The following PCM1 variants were observed in gnomAD, a reference collection of about 807,000 sequenced individuals.
The protein encoded by PCM1 is pericentriolar material 1 protein.
A neutral mutation model predicts 241.9 loss-of-function variants in PCM1; 157 were observed. The ratio of observed to expected loss-of-function variants is 0.65; its 90% CI spans 0.57 to 0.74. The LOEUF (loss-of-function observed/expected upper bound fraction) is 0.74, where lower values mean the gene tolerates loss of function less well. Ranked by LOEUF, PCM1 falls within the 30% of genes least tolerant of loss-of-function variation. The pLI is 0.00. For missense variants in PCM1, 3,478 were observed against 2,360.1 expected (o/e 1.47, Z -9.81); for synonymous variants, 1,085 against 784.9 (o/e 1.38, Z -6.39).
intron 8 of PCM1, among the ~76,000 whole-genome samples, chr8:17,951,044 G>C (rs567354209): frequency 6.6e-6 from 1 of 152,300 alleles, no homozygotes; most frequent in Non-Finnish European, 1.5e-5. Context: ...TCCTCTAAAA[G>C]ACTTAATGGT....
chr8:18,022,270 C>T (rs1003470972), intron 36 of PCM1, among the ~76,000 whole-genome samples: 2 of 152,188 alleles, frequency 1.3e-5, no homozygotes, highest in African/African-American at 4.8e-5. Context: ...CACAATGAAA[C>T]GACTACATTT....
At chr8:18,017,698 A>T (rs2093355587) in intron 36 of PCM1, among the ~76,000 whole-genome samples, 1 of 152,214 alleles carries the variant, frequency 6.6e-6, no homozygotes, top group Non-Finnish European at 1.5e-5. Flanking sequence ...TATTAAAAAT[A>T]CAAAATTAGC....
intron 14 of PCM1, 73 bp downstream of exon 14, chr8:17,960,238 G>C (rs2071043638): frequency 8.4e-6 from 13 of 1,556,236 alleles, no homozygotes; most frequent in Non-Finnish European, 9.6e-6. Context: ...TGCTCAGCTA[G>C]GTACTGTGTT....
intron 30 of PCM1, among the ~76,000 whole-genome samples, chr8:18,008,950 T>C (rs531889521): frequency 5.1e-4 from 78 of 152,280 alleles, no homozygotes; most frequent in African/African-American, 1.8e-3. Flanking sequence ...GAAATCCTAT[T>C]TTCTTTTACA....
intron 29 of PCM1, among the ~76,000 whole-genome samples, chr8:17,997,645 T>C (rs992070925): frequency 2.0e-5 from 3 of 152,156 alleles, no homozygotes; most frequent in Non-Finnish European, 4.4e-5. Context: ...CTTTAGTATG[T>C]CAGTTGCGTT....
At chr8:18,011,518 T>G in intron 33 of PCM1, 149 bp from the exon 34 acceptor site, 1 of 1,053,322 alleles carries the variant, frequency 9.5e-7, no homozygotes, top group South Asian at 1.8e-5. Flanking sequence ...TATCTAGACT[T>G]TCTGCACTGT....
chr8:18,026,839 T>C (rs1312575408), intron 38 of PCM1, among the ~76,000 whole-genome samples: 3 of 152,170 alleles, frequency 2.0e-5, no homozygotes, highest in Non-Finnish European at 4.4e-5. Context: ...TGGTTCTCTG[T>C]TCAGTTTTAC....
chr8:17,963,135 G>A lies in PCM1; in HGVS notation c.2498G>A (p.Arg833Lys), dbSNP rs765573508. Residue 833 changes from arginine to lysine, a missense_variant, in exon 17 of 39, where the codon AGG (arginine) becomes AAG (lysine). Arg to Lys is a conservative substitution (Grantham distance 26). Coordinates refer to ENST00000325083, the MANE Select transcript of PCM1 (RefSeq NM_006197.4). ...GAAATGAGAAGACATGAAATGTTGA[G>A]GGAGGAGCTGCGACAGAGAAGAAAG... is the stretch of plus-strand genomic sequence containing the variant. ...WSEMRRHEML[R>K]EELRQRRKQL... The A allele has an allele frequency of 2.5e-6, 4 of 1,612,560 alleles. No homozygotes were observed. The highest frequency in any genetic ancestry group is 1.7e-6 in the Non-Finnish European group (2 of 1,179,260).
At chr8:17,953,212 T>A in intron 9 of PCM1, 26 bp downstream of exon 9, 1 of 1,282,744 alleles carries the variant, frequency 7.8e-7, no homozygotes, top group Non-Finnish European at 1.1e-6. Context: ...TCAGCAGTAT[T>A]GGGTATAAGA....
rs200672489 is a variant in PCM1 at position 17,956,758 on chromosome 8, G to A, written c.1627G>A (p.Glu543Lys). 4.7e-5 allele frequency: 76 copies of A among 1,608,280 alleles called. No homozygotes were observed. In the Admixed American group the frequency reaches 8.8e-4, roughly 19 times the overall value. The change falls in exon 11 of 39, where the codon GAG becomes AAG. Residue 543 changes from glutamate to lysine, a missense_variant. Physicochemically the swap from Glu to Lys is moderately conservative, Grantham distance 56. Transcript: ENST00000325083. ...ATATGATTCTGAGCATGAAAATTCCGAGCCTGTTACTAACATTCGGTAAGA... is the reference window on the plus strand; with the variant it reads ...ATATGATTCTGAGCATGAAAATTCCAAGCCTGTTACTAACATTCGGTAAGA... The part of the protein sequence containing the change: ...SEYDSEHENS[E>K]PVTNIRNPQV...
At chr8:17,990,498 T>C (rs1484411078) in intron 27 of PCM1, among the ~76,000 whole-genome samples, 93 of 151,240 alleles carry the variant, frequency 6.1e-4, no homozygotes, top group Non-Finnish European at 1.0e-3. Context: ...TTTTTTTTTT[T>C]CCCCCTCTCC....
intron 29 of PCM1, among the ~76,000 whole-genome samples, chr8:17,998,987 A>G (rs1268792292): frequency 2.0e-5 from 3 of 151,932 alleles, no homozygotes; most frequent in Non-Finnish European, 4.4e-5. Context: ...TTAAAGCCCA[A>G]GGGCTTTTTA....
intron 21 of PCM1, among the ~76,000 whole-genome samples, chr8:17,968,762 G>GTGTGTGTATATA (rs373502456): frequency 8.5e-4 from 116 of 136,780 alleles, no homozygotes; most frequent in African/African-American, 2.7e-3. Flanking sequence ...GTGTGTGTGT[G>GTGTGTGTATATA]TATATATATA....
intron 21 of PCM1, among the ~76,000 whole-genome samples, chr8:17,968,493 A>G (rs1210137605): frequency 6.6e-6 from 1 of 152,188 alleles, no homozygotes; most frequent in African/African-American, 2.4e-5. Context: ...GGATCAAGAA[A>G]AAGGAGTAAC....
chr8:18,020,438 T>C (rs1317030518), intron 36 of PCM1, among the ~76,000 whole-genome samples: 2 of 152,220 alleles, frequency 1.3e-5, no homozygotes, highest in African/African-American at 4.8e-5. Flanking sequence ...TTTTATGATA[T>C]CCTTCTCCTG....
chr8:17,947,156 G>C (rs28655174), intron 6 of PCM1, 30 bp from the exon 7 acceptor site: 23 of 1,443,438 alleles, frequency 1.6e-5, no homozygotes, highest in Non-Finnish European at 2.1e-5. Context: ...TTAATAGTCA[G>C]ATACAAGTAT....
At chr8:17,955,822 T>C in intron 10 of PCM1, 169 bp downstream of exon 10, 1 of 627,080 alleles carries the variant, frequency 1.6e-6, no homozygotes, top group South Asian at 1.9e-5. Context: ...ATAATTTGAG[T>C]TGTCTAAGAG....
chr8:17,962,450 T>G (rs1481521829), intron 16 of PCM1, among the ~76,000 whole-genome samples: 1 of 152,202 alleles, frequency 6.6e-6, no homozygotes, highest in African/African-American at 2.4e-5. Context: ...TGTTCTTTGT[T>G]AGTAAATATT....
chr8:17,987,745 A>G (rs2083092484), intron 26 of PCM1, among the ~76,000 whole-genome samples: 1 of 151,888 alleles, frequency 6.6e-6, no homozygotes, highest in Non-Finnish European at 1.5e-5. Flanking sequence ...CTGAAGCAGC[A>G]GTGTCCAGTA....
Sources: gnomAD v4.1 joint callset for allele counts (sites outside exome capture counted in the v4.1 genomes callset) on GRCh38, gnomAD v4.1.1 for gene constraint, MANE v1.5 for transcripts, NCBI Gene and HGNC (gene_info 2026-07-23, HGNC 2026-07-21) for gene names.